Variants in TMEM127 observed in about 807,000 individuals in gnomAD.
TMEM127 encodes transmembrane protein 127.
Under a neutral mutation model 20.1 loss-of-function variants are expected in TMEM127, and 21 were observed. That is an observed-to-expected ratio of 1.04 (90% CI 0.74 to 1.50). The LOEUF is 1.50. TMEM127 is among the 40% of genes most tolerant of loss of function. The pLI is 0.00. For missense variants in TMEM127, 303 were observed against 317.4 expected, an observed-to-expected ratio of 0.95 and a Z score of 0.34; for synonymous variants, 150 against 144.7, an observed-to-expected ratio of 1.04 and a Z score of -0.26.
Position 96,250,519 on chromosome 2 carries a change from T to G in TMEM127, c.*3289A>C, listed in dbSNP as rs1362748747. 3 of 232,780 alleles carry G rather than the reference T, an allele frequency of 1.3e-5. No individual in the cohort carries two copies. The highest frequency in any genetic ancestry group is 2.5e-5 in the Non-Finnish European group (3 of 117,824). 14.4% of individuals were successfully genotyped at this position (232,780 alleles called of 1,614,324 possible). On this transcript the variant is annotated 3_prime_UTR_variant, in exon 4 of 4. Coordinates refer to ENST00000258439, the MANE Select transcript of TMEM127 (RefSeq NM_017849.4). ...GTCCTGTCCGTCACTGTATATTTCA[T>G]GGTGCCTAATGGTGCTTTGTCTGAA...
chr2:96,259,991 A>G (rs1220780810), intron 2 of TMEM127, among the ~76,000 whole-genome samples: 1 of 152,264 alleles, frequency 6.6e-6, no homozygotes. Flanking sequence ...GGCCTACCCT[A>G]CAAGTATGAC....
chr2:96,254,903 C>T lies in TMEM127; in HGVS notation c.339G>A (p.Leu113=), dbSNP rs775107245. The change falls in exon 3 of 4, where the codon CTG becomes CTA. Residue 113 remains leucine, a synonymous_variant. Transcript: ENST00000258439. The stretch of plus-strand genomic sequence containing the variant: ...CAGGATGCTTCGGCCCAAAGACATC[C>T]AGAAGGAAAGCGGAGAGACTACACA... ...GILCSLSAFL[L]DVFGPKHPAL... is the part of the protein sequence containing the mutation. 2 of 1,614,064 alleles carry T rather than the reference C, an allele frequency of 1.2e-6. No individual in the cohort carries two copies. The highest frequency in any genetic ancestry group is 1.7e-6 in the Non-Finnish European group (2 of 1,179,986).
chr2:96,257,729 T>C (rs566057801), intron 2 of TMEM127, among the ~76,000 whole-genome samples: 1 of 152,058 alleles, frequency 6.6e-6, no homozygotes, highest in African/African-American at 2.4e-5. Context: ...GCCTGACCAA[T>C]ATGGTGAAAC....
chr2:96,254,682 A>C (rs1573969893), intron 3 of TMEM127, 151 bp downstream of exon 3: 1 of 1,039,558 alleles, frequency 9.6e-7, no homozygotes, highest in Non-Finnish European at 1.5e-6. Flanking sequence ...GGCTGCTGAC[A>C]CCCTGACACT....
intron 2 of TMEM127, among the ~76,000 whole-genome samples, chr2:96,255,558 A>G (rs1304064225): frequency 3.9e-5 from 6 of 152,254 alleles, no homozygotes; most frequent in Non-Finnish European, 8.8e-5. Context: ...TAATCAGTTT[A>G]TAGAGACAGA....
Position 96,252,024 on chromosome 2 carries a change from G to A in TMEM127, c.*1784C>T, listed in dbSNP as rs571939749. 14 of 233,520 alleles carry A rather than the reference G, an allele frequency of 6.0e-5. No individual in the cohort carries two copies. In the Middle Eastern group the frequency reaches 5.1e-3, roughly 85 times the overall value. 14.5% of individuals were successfully genotyped at this position (233,520 alleles called of 1,614,324 possible). ...GTTCAGTTCCTTGGCTTTGTGCTCA[G>A]GCATCACATAGCAGGCAGCCTGCAG... On this transcript the variant is annotated 3_prime_UTR_variant, in exon 4 of 4. Transcript: ENST00000258439. The surrounding 1 kb of genome is among the most constrained non-coding windows in gnomAD (Gnocchi z 4.2).
At chr2:96,265,650 C>A (rs900066575) in intron 1 of TMEM127, 138 bp from the exon 2 acceptor site, 4 of 368,106 alleles carry the variant, frequency 1.1e-5, no homozygotes, top group Non-Finnish European at 1.9e-5. Flanking sequence ...GGGCCAGGGG[C>A]CAGATGGGGT....
chr2:96,253,498 G>A lies in TMEM127; in HGVS notation c.*310C>T, dbSNP rs1684133407. The A allele has an allele frequency of 7.3e-6, 3 of 410,456 alleles. No homozygotes were observed. Among genetic ancestry groups the A allele is most frequent in the Admixed American group, 4.1e-5 (1 of 24,646 alleles). The allele number at this position is 410,456 out of a possible 1,614,324, so 25.4% of individuals were successfully genotyped here. A position where few individuals can be genotyped will look rare whatever the true frequency, so the allele number is the denominator to read the frequency against. On this transcript the variant is annotated 3_prime_UTR_variant, in exon 4 of 4. Coordinates refer to ENST00000258439, the MANE Select transcript of TMEM127 (RefSeq NM_017849.4). This position sits in a 1 kb window ranked among gnomAD's most constrained non-coding sequence, Gnocchi z 4.3. ...TCAGCAGCTCTCCAAGGAAAGTCTCGGTCCCAAAGATATCGCCCATGCTGG... is the reference window on the plus strand; with the variant it reads ...TCAGCAGCTCTCCAAGGAAAGTCTCAGTCCCAAAGATATCGCCCATGCTGG...
intron 2 of TMEM127, among the ~76,000 whole-genome samples, chr2:96,258,959 A>G (rs1319675606): frequency 6.6e-6 from 1 of 152,158 alleles, no homozygotes; most frequent in Non-Finnish European, 1.5e-5. Flanking sequence ...AGGAGCCTGT[A>G]TTGTTTCTTT....
In TMEM127 at chr2:96,250,860, G is replaced by C. The variant is rs1005685079; in HGVS notation, c.*2948C>G. The C allele has an allele frequency of 1.3e-5, 3 of 231,566 alleles. No homozygotes were observed. The highest frequency in any genetic ancestry group is 2.6e-5 in the Non-Finnish European group (3 of 117,080). The allele number at this position is 231,566 out of a possible 1,614,324, so 14.3% of individuals were successfully genotyped here. Reference sequence around the variant, plus strand: ...TTTCAAAGAAAGTGCAGTTTCTAGGGAGTGAAGGAACACGTGAAATACAGA... The same window carrying C: ...TTTCAAAGAAAGTGCAGTTTCTAGGCAGTGAAGGAACACGTGAAATACAGA... On this transcript the variant is annotated 3_prime_UTR_variant, in exon 4 of 4. Coordinates refer to ENST00000258439, the MANE Select transcript of TMEM127 (RefSeq NM_017849.4).
chr2:96,254,256 C>T, intron 3 of TMEM127, 141 bp from the exon 4 acceptor site: 1 of 1,146,440 alleles, frequency 8.7e-7, no homozygotes, highest in South Asian at 1.3e-5. Flanking sequence ...AGGAGGAGCT[C>T]TCTTGACCAT....
At position 96,257,695 on chromosome 2, in the gene TMEM127, C is replaced by T. The variant is rs529509225; in HGVS notation, c.245-2698G>A. 1.8e-4 allele frequency among the ~76,000 whole-genome samples: 28 copies of T among 152,234 alleles called. No homozygotes were observed. In the South Asian group the frequency reaches 1.9e-3, roughly 10 times the overall value. ...TTGGGAGGCCGAGGTGGGTGGATCG[C>T]CTGAGGTCAGCAGTTTGAGACCAGC... On this transcript the variant is annotated intron_variant, in intron 2 of 3. Coordinates refer to ENST00000258439, the MANE Select transcript of TMEM127 (RefSeq NM_017849.4).
rs767257269 is a variant in TMEM127, at chr2:96,265,228, C to A, written c.154G>T (p.Ala52Ser). 16 of 1,601,904 alleles carry A rather than the reference C, an allele frequency of 1.0e-5. No individual in the cohort carries two copies. The highest frequency in any genetic ancestry group is 3.3e-4 in the Middle Eastern group (2 of 6,070). Reference sequence around the variant, plus strand: ...GTGCCTCCGTGGATGTGCAACCAGGCGGGCTCGGCGAGGGCAGTGCACAGC... The same window carrying A: ...GTGCCTCCGTGGATGTGCAACCAGGAGGGCTCGGCGAGGGCAGTGCACAGC... ...TALCTALAEP[A>S]WLHIHGGTCS... The change falls in exon 2 of 4, where the codon GCC becomes TCC. Residue 52 changes from alanine to serine, a missense_variant. By Grantham distance (99) the Ala-to-Ser change is moderately conservative. Coordinates refer to ENST00000258439, the MANE Select transcript of TMEM127 (RefSeq NM_017849.4).
At chr2:96,260,694 C>G (rs1358475693) in intron 2 of TMEM127, 1 of 152,278 alleles carries the variant, frequency 6.6e-6, no homozygotes, top group Non-Finnish European at 1.5e-5. Flanking sequence ...CACTCCTGAC[C>G]CAAACAGTCT....
At chr2:96,256,708 A>C (rs1684215668) in intron 2 of TMEM127, among the ~76,000 whole-genome samples, 1 of 152,192 alleles carries the variant, frequency 6.6e-6, no homozygotes, top group Non-Finnish European at 1.5e-5. Flanking sequence ...GCTACAAGAA[A>C]GTATTACATA....
At chr2:96,257,485 A>G (rs13427995) in intron 2 of TMEM127, among the ~76,000 whole-genome samples, 1 of 152,078 alleles carries the variant, frequency 6.6e-6, no homozygotes, top group Non-Finnish European at 1.5e-5. Flanking sequence ...AAACAAAAAA[A>G]CAAAAAACTA....
chr2:96,255,231 G>C (rs977347785), intron 2 of TMEM127, among the ~76,000 whole-genome samples: 10 of 152,226 alleles, frequency 6.6e-5, no homozygotes, highest in Non-Finnish European at 1.5e-4. Context: ...AACAGGACTA[G>C]CCTAAGTGCA....
In TMEM127 at chr2:96,254,854, C is replaced by T; in HGVS notation, c.388G>A (p.Ala130Thr). 1.9e-6 allele frequency: 3 copies of T among 1,614,158 alleles called. No homozygotes were observed. In the South Asian group the frequency reaches 3.3e-5, roughly 18 times the overall value. The change falls in exon 3 of 4, where the codon GCC becomes ACC. Residue 130 changes from alanine (A) to threonine (T), a missense_variant. Coordinates refer to ENST00000258439, the MANE Select transcript of TMEM127 (RefSeq NM_017849.4). ...TTACCCGTTAGGATATGGGCGAAGG[C>T]ATAGCGACGAGTGATCTTCAGAGCA... Reference protein sequence around the residue: ...HPALKITRRYAFAHILTVLQC... With the variant: ...HPALKITRRYTFAHILTVLQC...
rs1330342076 is a variant in TMEM127, at chr2:96,250,110, G to A, written c.*3698C>T. 1 of 233,198 alleles carries A rather than the reference G, an allele frequency of 4.3e-6. No individual in the cohort carries two copies. The highest frequency in any genetic ancestry group is 8.5e-6 in the Non-Finnish European group (1 of 118,080). The allele number at this position is 233,198 out of a possible 1,614,324, so 14.4% of individuals were successfully genotyped here. A position where few individuals can be genotyped will look rare whatever the true frequency, so the allele number is the denominator to read the frequency against. On this transcript the variant is annotated 3_prime_UTR_variant, in exon 4 of 4. Coordinates refer to ENST00000258439, the MANE Select transcript of TMEM127 (RefSeq NM_017849.4). ...CTTTCAACACCCTCACTTAAGGCCA[G>A]GCAGAACCCTTCCTACTGTCACCAG...
Sources: allele counts gnomAD v4.1 joint callset (sites outside exome capture counted in the v4.1 genomes callset), GRCh38; gene constraint gnomAD v4.1.1; non-coding constraint Gnocchi (gnomAD v3.1); transcripts MANE v1.5; gene names NCBI Gene and HGNC (gene_info 2026-07-23, HGNC 2026-07-21).